Variants in DCC observed in about 807,000 individuals in gnomAD.
The protein encoded by DCC is netrin receptor DCC.
A neutral mutation model predicts 172.5 loss-of-function variants in DCC; 58 were observed. The ratio of observed to expected loss-of-function variants is 0.34; its 90% CI spans 0.27 to 0.42. The LOEUF (loss-of-function observed/expected upper bound fraction) is 0.42, where lower values mean the gene tolerates loss of function less well. Ranked by LOEUF, DCC falls within the 10% of genes least tolerant of loss-of-function variation. DCC has a pLI of 1.00. For synonymous variants in DCC, 709 were observed against 644.5 expected (o/e 1.10, Z -1.52); for missense variants, 1,740 against 1,791.0 (o/e 0.97, Z 0.51).
chr18:53,235,084 C>T (rs2056181791), intron 12 of DCC, among the ~76,000 whole-genome samples: 1 of 152,162 alleles, frequency 6.6e-6, no homozygotes, highest in African/African-American at 2.4e-5. Context: ...TACACAGCAT[C>T]AAATGTCATT....
intron 16 of DCC, among the ~76,000 whole-genome samples, chr18:53,389,280 AAG>A (rs80230020): frequency 0.42 from 64,151 of 151,806 alleles, 15,317 homozygotes; most frequent in Non-Finnish European, 0.55. Flanking sequence ...AGGAAGAGAA[AAG>A]AAAAAAGTTC....
intron 2 of DCC, among the ~76,000 whole-genome samples, chr18:52,841,563 G>A (rs1468818836): frequency 6.6e-6 from 1 of 152,084 alleles, no homozygotes; most frequent in Non-Finnish European, 1.5e-5. Flanking sequence ...GAACTGGGAT[G>A]GTACCAGTAC....
In DCC at chr18:52,831,096, G is replaced by A. The variant is rs117823434; in HGVS notation, c.413-74948G>A. On this transcript the variant is annotated intron_variant, in intron 2 of 28. Transcript: ENST00000442544. ...TTAAGGAGGTCAGAAAGTTATCCAC[G>A]GAGATTTCTTGGAGAAGAATATTTC... is the stretch of plus-strand genomic sequence containing the variant. Among the ~76,000 whole-genome samples, 11 of 152,192 alleles carry A rather than the reference G, an allele frequency of 7.2e-5. No individual in the cohort carries two copies. The East Asian group carries it at 1.5e-3, about 21-fold the overall frequency.
intron 7 of DCC, among the ~76,000 whole-genome samples, chr18:53,107,534 A>C (rs2043267749): frequency 1.0e-5 from 1 of 96,826 alleles, no homozygotes. Context: ...AAAAAAAAAA[A>C]AGGAAGGAAA....
intron 12 of DCC, among the ~76,000 whole-genome samples, chr18:53,299,120 T>TCCA (rs2057102665): frequency 6.6e-6 from 1 of 152,210 alleles, no homozygotes; most frequent in South Asian, 2.1e-4. Flanking sequence ...AAAGAATATG[T>TCCA]CCACACATGT....
At chr18:53,382,538 T>TA (rs1907839234) in intron 15 of DCC, among the ~76,000 whole-genome samples, 2 of 152,102 alleles carry the variant, frequency 1.3e-5, no homozygotes. Flanking sequence ...TCTAAATGTA[T>TA]AGCATTCATA....
At chr18:53,513,263 A>G (rs1195307319) in intron 27 of DCC, among the ~76,000 whole-genome samples, 1 of 152,228 alleles carries the variant, frequency 6.6e-6, no homozygotes, top group Non-Finnish European at 1.5e-5. Context: ...GCAAATGCTG[A>G]GAGATTTTTG....
intron 7 of DCC, among the ~76,000 whole-genome samples, chr18:53,156,762 G>A (rs2054743209): frequency 6.6e-6 from 1 of 152,068 alleles, no homozygotes; most frequent in African/African-American, 2.4e-5. Flanking sequence ...TATATCTTGA[G>A]TTTATCTTCT....
At chr18:53,051,714 G>A (rs1158783632) in intron 5 of DCC, among the ~76,000 whole-genome samples, 2 of 152,012 alleles carry the variant, frequency 1.3e-5, no homozygotes, top group Non-Finnish European at 2.9e-5. Flanking sequence ...TCTTGTAGAT[G>A]TGTTTTGATT....
At chr18:53,212,878 G>C (rs2055779770) in intron 11 of DCC, among the ~76,000 whole-genome samples, 1 of 151,932 alleles carries the variant, frequency 6.6e-6, no homozygotes, top group Non-Finnish European at 1.5e-5. Flanking sequence ...CACCTTATTT[G>C]CCAAGCTGGT....
At chr18:53,020,256 G>C (rs1378971019) in intron 5 of DCC, among the ~76,000 whole-genome samples, 35 of 152,100 alleles carry the variant, frequency 2.3e-4, no homozygotes, top group Non-Finnish European at 2.9e-5. Flanking sequence ...CTTTTGGCTT[G>C]ATTTGGCCAT....
chr18:52,762,883 C>T (rs2037186521), intron 2 of DCC, among the ~76,000 whole-genome samples: 1 of 152,170 alleles, frequency 6.6e-6, no homozygotes, highest in Admixed American at 6.5e-5. Context: ...TATTCTATCA[C>T]ATCTGCATAT....
intron 9 of DCC, among the ~76,000 whole-genome samples, chr18:53,180,810 A>G (rs12454116): frequency 0.36 from 54,232 of 151,850 alleles, 11,086 homozygotes; most frequent in South Asian, 0.6. Flanking sequence ...ACGAGCTTTC[A>G]CCATTTTGGC....
chr18:52,595,355 C>T (rs563973509), intron 1 of DCC, among the ~76,000 whole-genome samples: 11 of 152,242 alleles, frequency 7.2e-5, no homozygotes, highest in African/African-American at 2.4e-4. Flanking sequence ...CGTGAAAGAA[C>T]TTTGCCTTGT....
intron 1 of DCC, among the ~76,000 whole-genome samples, chr18:52,594,869 C>A (rs898070365): frequency 6.6e-6 from 1 of 152,206 alleles, no homozygotes; most frequent in Non-Finnish European, 1.5e-5. Context: ...ATACCCAAAG[C>A]ACCTTCCACC....
At chr18:52,777,177 T>C (rs1374718008) in intron 2 of DCC, among the ~76,000 whole-genome samples, 1 of 152,232 alleles carries the variant, frequency 6.6e-6, no homozygotes. Context: ...CTCAGTCCTG[T>C]CCTTAACTAG....
intron 1 of DCC, among the ~76,000 whole-genome samples, chr18:52,418,634 C>A (rs1054763239): frequency 6.6e-6 from 1 of 152,074 alleles, no homozygotes; most frequent in Non-Finnish European, 1.5e-5. Flanking sequence ...TCATCCTATA[C>A]AGTCACAAGC....
intron 7 of DCC, among the ~76,000 whole-genome samples, chr18:53,076,538 C>A (rs2042727204): frequency 6.6e-6 from 1 of 152,108 alleles, no homozygotes; most frequent in African/African-American, 2.4e-5. Flanking sequence ...TTAGTAGATC[C>A]CGTGGCAATG....
At chr18:53,430,532 A>G (rs749947431) in intron 21 of DCC, among the ~76,000 whole-genome samples, 2 of 152,190 alleles carry the variant, frequency 1.3e-5, no homozygotes, top group Non-Finnish European at 2.9e-5. Context: ...AAAATTTTTT[A>G]TCGTGGAAAA....
Sources: gnomAD v4.1 joint callset for allele counts (sites outside exome capture counted in the v4.1 genomes callset) on GRCh38, gnomAD v4.1.1 for gene constraint, MANE v1.5 for transcripts, NCBI Gene and HGNC (gene_info 2026-07-23, HGNC 2026-07-21) for gene names.